FAM117B: variants seen among roughly 807,000 people sequenced by gnomAD.
The protein encoded by FAM117B is family with sequence similarity 117 member B.
A neutral mutation model predicts 52.8 loss-of-function variants in FAM117B; 22 were observed. The ratio of observed to expected loss-of-function variants is 0.42; its 90% confidence interval spans 0.30 to 0.59. The LOEUF (loss-of-function observed/expected upper bound fraction) is 0.59. Ranked by LOEUF, FAM117B falls within the 20% of genes least tolerant of loss-of-function variation. The pLI, the probability that FAM117B is intolerant of heterozygous loss-of-function variation, is 0.22. For missense variants in FAM117B, 678 were observed against 802.6 expected (o/e 0.84, Z 1.88); for synonymous variants, 309 against 324.1 (o/e 0.95, Z 0.50).
At chr2:202,637,058 G>A (rs1424384687) in intron 1 of FAM117B, among the ~76,000 whole-genome samples, 1 of 151,826 alleles carries the variant, frequency 6.6e-6, no homozygotes, top group East Asian at 1.9e-4. Context: ...CACCATGCCC[G>A]GCTAATTTTT....
chr2:202,704,421 A>T (rs755127458), intron 2 of FAM117B, among the ~76,000 whole-genome samples: 2 of 152,178 alleles, frequency 1.3e-5, no homozygotes, highest in African/African-American at 4.8e-5. Flanking sequence ...GCTGAGACTG[A>T]TAAGTGATTT....
intron 1 of FAM117B, among the ~76,000 whole-genome samples, chr2:202,637,144 G>T (rs1021828029): frequency 6.6e-5 from 10 of 152,176 alleles, no homozygotes. Context: ...TGAAACGCCC[G>T]CCTTGGCTTC....
chr2:202,694,694 T>C (rs1396789505), intron 1 of FAM117B, among the ~76,000 whole-genome samples: 1 of 152,196 alleles, frequency 6.6e-6, no homozygotes, highest in Non-Finnish European at 1.5e-5. Context: ...GGTTGGTTCT[T>C]GGCACTTGAT....
At chr2:202,675,692 A>G (rs1690367941) in intron 1 of FAM117B, among the ~76,000 whole-genome samples, 2 of 152,120 alleles carry the variant, frequency 1.3e-5, no homozygotes, top group Non-Finnish European at 2.9e-5. Flanking sequence ...TTCTAACAAA[A>G]GAATACAGCA....
intron 4 of FAM117B, among the ~76,000 whole-genome samples, chr2:202,750,321 G>A (rs1438819869): frequency 6.6e-6 from 1 of 152,120 alleles, no homozygotes; most frequent in Non-Finnish European, 1.5e-5. Context: ...GGCCAGCCTG[G>A]GCAACATGGT....
intron 4 of FAM117B, among the ~76,000 whole-genome samples, chr2:202,745,148 T>G (rs1164397103): frequency 6.6e-6 from 1 of 151,168 alleles, no homozygotes; most frequent in East Asian, 1.9e-4. Context: ...GGCGTGGTGG[T>G]GCACTCCTGT....
At position 202,766,524 on chromosome 2, in the gene FAM117B, T is replaced by G. The variant is rs1386695759; in HGVS notation, c.*760T>G. ...GTATAACTGCTGTTTTCTTCACTAC[T>G]CCTGTACACATTTCACCATGTGGTC... On this transcript the variant is annotated 3_prime_UTR_variant, in exon 8 of 8. Coordinates refer to ENST00000392238, the MANE Select transcript of FAM117B (RefSeq NM_173511.4). 6.5e-6 allele frequency: 1 copy of G among 152,686 alleles called. No homozygotes were observed. Among genetic ancestry groups the G allele is most frequent in the African/African-American group, 2.4e-5 (1 of 41,462 alleles). 9.5% of individuals were successfully genotyped at this position (152,686 alleles called of 1,614,324 possible). A position where few individuals can be genotyped will look rare whatever the true frequency, so the allele number is the denominator to read the frequency against.
chr2:202,694,782 G>C (rs955193536), intron 1 of FAM117B, among the ~76,000 whole-genome samples: 2 of 151,966 alleles, frequency 1.3e-5, no homozygotes, highest in African/African-American at 4.8e-5. Flanking sequence ...TAATCTTTTG[G>C]GCTGGTACTA....
rs532460037 is a variant in FAM117B, at chr2:202,635,822, C to T, written c.601+34C>T. ...TGGGGGTCGCGCAGCAAGGGGGAGG[C>T]GGCTGCGGGAAGGGGTCCCGGGCGC... On this transcript the variant is annotated intron_variant, in intron 1 of 7. Transcript: ENST00000392238. The T allele has an allele frequency of 1.0e-3, 1,399 of 1,395,450 alleles. 1 individual carries two copies. The highest frequency in any genetic ancestry group is 1.2e-3 in the Non-Finnish European group (1,324 of 1,073,664). 86.4% of individuals were successfully genotyped at this position (1,395,450 alleles called of 1,614,324 possible).
chr2:202,640,318 A>ATATATG (rs1293616264), intron 1 of FAM117B, among the ~76,000 whole-genome samples: 3 of 112,170 alleles, frequency 2.7e-5, no homozygotes, highest in Non-Finnish European at 5.4e-5. Context: ...ATATATATAT[A>ATATATG]TATATATATA....
At chr2:202,695,790 G>A in intron 1 of FAM117B, 91 bp from the exon 2 acceptor site, 1 of 1,370,848 alleles carries the variant, frequency 7.3e-7, no homozygotes, top group Non-Finnish European at 9.8e-7. Flanking sequence ...CCATAGTTAA[G>A]TTGGAGAACT....
intron 1 of FAM117B, among the ~76,000 whole-genome samples, chr2:202,690,575 C>T (rs1690605128): frequency 6.6e-6 from 1 of 151,992 alleles, no homozygotes; most frequent in South Asian, 2.1e-4. Flanking sequence ...TACATCTGAA[C>T]TGAATTTTGA....
intron 1 of FAM117B, among the ~76,000 whole-genome samples, chr2:202,662,578 C>T (rs1182594219): frequency 6.6e-6 from 1 of 152,168 alleles, no homozygotes; most frequent in Non-Finnish European, 1.5e-5. Context: ...TGCAGTGGCT[C>T]ACGCCTGTAA....
intron 2 of FAM117B, among the ~76,000 whole-genome samples, chr2:202,710,128 G>A (rs903133271): frequency 3.9e-5 from 6 of 152,098 alleles, no homozygotes; most frequent in Non-Finnish European, 8.8e-5. Context: ...AGTTTCACAC[G>A]AGTTTTAGAA....
Position 202,720,722 on chromosome 2 carries a change from A to G in FAM117B, c.754-4195A>G, listed in dbSNP as rs555534067. Reference sequence around the variant, plus strand: ...TCTTAAGTCTTTCTTAATTTAGAACAGGTCATTCTCGCACTTTTTTCCTTA... The same window carrying G: ...TCTTAAGTCTTTCTTAATTTAGAACGGGTCATTCTCGCACTTTTTTCCTTA... On this transcript the variant is annotated intron_variant, in intron 2 of 7. Transcript: ENST00000392238. Among the ~76,000 whole-genome samples the G allele has an allele frequency of 8.9e-4, 135 of 152,244 alleles. 1 individual carries two copies. The highest frequency in any genetic ancestry group is 3.1e-3 in the African/African-American group (128 of 41,564).
intron 1 of FAM117B, among the ~76,000 whole-genome samples, chr2:202,683,011 A>G (rs897341848): frequency 6.6e-5 from 10 of 152,214 alleles, no homozygotes; most frequent in Non-Finnish European, 1.2e-4. Context: ...AGGAAATCAT[A>G]AAGGTAACAG....
chr2:202,667,583 A>G (rs757849318), intron 1 of FAM117B, among the ~76,000 whole-genome samples: 113 of 152,132 alleles, frequency 7.4e-4, no homozygotes, highest in Non-Finnish European at 8.2e-4. Context: ...AATTATGTAG[A>G]GAGGAATAAC....
intron 1 of FAM117B, among the ~76,000 whole-genome samples, chr2:202,659,603 G>GTTTTTT (rs1253386878): frequency 9.5e-6 from 1 of 104,842 alleles, no homozygotes; most frequent in African/African-American, 3.5e-5. Flanking sequence ...GAGCCACCGT[G>GTTTTTT]CTTTTTTTTT....
chr2:202,748,612 A>G (rs1211781216), intron 4 of FAM117B, among the ~76,000 whole-genome samples: 1 of 152,180 alleles, frequency 6.6e-6, no homozygotes, highest in Non-Finnish European at 1.5e-5. Flanking sequence ...AAAATGGGCA[A>G]TCTGACTAGA....
Sources: allele counts gnomAD v4.1 joint callset (sites outside exome capture counted in the v4.1 genomes callset), GRCh38; gene constraint gnomAD v4.1.1; transcripts MANE v1.5; gene names NCBI Gene and HGNC (gene_info 2026-07-23, HGNC 2026-07-21).